CPNE8: variants seen among roughly 807,000 people sequenced by gnomAD.
CPNE8 encodes copine-8.
In CPNE8, 45 loss-of-function variants were observed where a neutral mutation model predicts 81.5. That is an observed-to-expected ratio of 0.55 (90% CI 0.44 to 0.71). The LOEUF (loss-of-function observed/expected upper bound fraction) is 0.71, where lower values mean the gene tolerates loss of function less well. Ranked by LOEUF, CPNE8 falls within the 30% of genes least tolerant of loss-of-function variation. The probability of loss-of-function intolerance (pLI) is 0.00; values close to 1 mark genes in which losing one functional copy is unlikely to be tolerated. For missense variants in CPNE8, 594 were observed against 672.1 expected, an observed-to-expected ratio of 0.88 and a Z score of 1.28; for synonymous variants, 252 against 226.3, an observed-to-expected ratio of 1.11 and a Z score of -1.02.
chr12:38,897,377 G>A (rs141173703), intron 1 of CPNE8, among the ~76,000 whole-genome samples: 57 of 152,154 alleles, frequency 3.7e-4, no homozygotes, highest in Admixed American at 2.1e-3. Context: ...AAAGTAACCA[G>A]AGATGTTAGA....
chr12:38,767,609 T>C, intron 8 of CPNE8, 26 bp downstream of exon 8: 1 of 1,342,662 alleles, frequency 7.4e-7, no homozygotes, highest in Non-Finnish European at 1.0e-6. Context: ...TACCATATAG[T>C]TGAAATGCAT....
chr12:38,717,833 G>GAA, intron 13 of CPNE8, among the ~76,000 whole-genome samples: 1 of 150,482 alleles, frequency 6.6e-6, no homozygotes, highest in Admixed American at 6.6e-5. Context: ...CTGGAAGTCA[G>GAA]AAAAAAAAAG....
intron 6 of CPNE8, among the ~76,000 whole-genome samples, chr12:38,807,190 A>C (rs996913243): frequency 6.6e-6 from 1 of 151,408 alleles, no homozygotes; most frequent in Non-Finnish European, 1.5e-5. Context: ...GGTCATTTAT[A>C]GATTCAATGC....
intron 14 of CPNE8, among the ~76,000 whole-genome samples, chr12:38,695,380 A>G (rs939935504): frequency 3.3e-5 from 5 of 152,054 alleles, no homozygotes; most frequent in Admixed American, 6.6e-5. Context: ...ACACAAACCA[A>G]CTTCCGGGCT....
At chr12:38,868,171 T>A (rs912053129) in intron 3 of CPNE8, among the ~76,000 whole-genome samples, 1 of 152,072 alleles carries the variant, frequency 6.6e-6, no homozygotes, top group African/African-American at 2.4e-5. Flanking sequence ...GATACCTCCA[T>A]CAATAAATTG....
intron 10 of CPNE8, among the ~76,000 whole-genome samples, chr12:38,739,581 T>C (rs539916544): frequency 1.4e-3 from 212 of 152,308 alleles, no homozygotes; most frequent in African/African-American, 4.9e-3. Flanking sequence ...GGCTGTTGGT[T>C]CTACCTTTGG....
At chr12:38,750,509 G>A (rs1053180314) in intron 10 of CPNE8, among the ~76,000 whole-genome samples, 1 of 152,166 alleles carries the variant, frequency 6.6e-6, no homozygotes, top group Non-Finnish European at 1.5e-5. Context: ...CCAAGACCTG[G>A]GAACCCACCT....
intron 10 of CPNE8, among the ~76,000 whole-genome samples, chr12:38,734,800 T>C (rs1375769659): frequency 6.6e-6 from 1 of 152,088 alleles, no homozygotes; most frequent in Admixed American, 6.6e-5. Flanking sequence ...CAGACACTTA[T>C]ACATTTTGTC....
At chr12:38,835,184 C>T (rs1432725043) in intron 5 of CPNE8, among the ~76,000 whole-genome samples, 1 of 152,160 alleles carries the variant, frequency 6.6e-6, no homozygotes, top group Non-Finnish European at 1.5e-5. Context: ...CGCACCTGGC[C>T]CCAGACTCTT....
At chr12:38,679,197 C>T (rs1232337664) in intron 16 of CPNE8, among the ~76,000 whole-genome samples, 2 of 151,762 alleles carry the variant, frequency 1.3e-5, no homozygotes, top group Non-Finnish European at 3.0e-5. Flanking sequence ...ATGGTACTCT[C>T]AAAATGTAAA....
In CPNE8 at chr12:38,800,996, A is replaced by G. The variant is rs941888556; in HGVS notation, c.408-24695T>C. 5.5e-4 allele frequency among the ~76,000 whole-genome samples: 82 copies of G among 150,448 alleles called. 1 individual carries two copies. The East Asian group carries it at 0.015, about 28-fold the overall frequency. ...GAAATGAGCAAAGCCTCCAAGAAAT[A>G]TGGGACTACGTGAAAAGACCACATC... On this transcript the variant is annotated intron_variant, in intron 6 of 19. Coordinates refer to ENST00000331366, the MANE Select transcript of CPNE8 (RefSeq NM_153634.3).
At chr12:38,726,380 T>C (rs967212778) in intron 11 of CPNE8, 2 of 152,160 alleles carry the variant, frequency 1.3e-5, no homozygotes, top group African/African-American at 4.8e-5. Flanking sequence ...TATTATTTAT[T>C]GTGTATTTCA....
In CPNE8 at chr12:38,697,307, TAG is replaced by T. The variant is rs532066397; in HGVS notation, c.962-3471_962-3470del. Among the ~76,000 whole-genome samples the T allele has an allele frequency of 8.6e-4, 131 of 152,324 alleles. 1 individual carries two copies. Among genetic ancestry groups the T allele is most frequent in the African/African-American group, 3.0e-3 (123 of 41,578 alleles). On this transcript the variant is annotated intron_variant, in intron 14 of 19. Transcript: ENST00000331366. ...TAACTAGCTGCTTTCACTTAGCTTA[TAG>T]ATCTCAACAACCATCTATCTTATAG...
intron 5 of CPNE8, among the ~76,000 whole-genome samples, chr12:38,838,534 T>C (rs1219587163): frequency 1.3e-5 from 2 of 152,178 alleles, no homozygotes; most frequent in Non-Finnish European, 2.9e-5. Context: ...TGCAGTTTCT[T>C]TTCTGATTCT....
chr12:38,797,008 T>C (rs1462386706), intron 6 of CPNE8, among the ~76,000 whole-genome samples: 3 of 152,256 alleles, frequency 2.0e-5, no homozygotes, highest in Admixed American at 2.0e-4. Flanking sequence ...GTGCCCGCCA[T>C]TGCCCAGGCT....
intron 3 of CPNE8, among the ~76,000 whole-genome samples, chr12:38,857,770 C>T (rs910388686): frequency 6.6e-6 from 1 of 152,078 alleles, no homozygotes; most frequent in Non-Finnish European, 1.5e-5. Flanking sequence ...GTGGCAGGCA[C>T]CTGTAATCTC....
At chr12:38,889,388 A>C (rs1160534456) in intron 1 of CPNE8, among the ~76,000 whole-genome samples, 4 of 152,210 alleles carry the variant, frequency 2.6e-5, no homozygotes, top group African/African-American at 9.6e-5. Flanking sequence ...ACGTGAGGCC[A>C]AACTGTTCCT....
chr12:38,762,082 GA>G, intron 9 of CPNE8, 29 bp downstream of exon 9: 1 of 1,127,554 alleles, frequency 8.9e-7, no homozygotes. Flanking sequence ...AAAGTTATTT[GA>G]AGATTTTTGA....
At chr12:38,762,466 C>A (rs1184223938) in intron 8 of CPNE8, among the ~76,000 whole-genome samples, 1 of 152,178 alleles carries the variant, frequency 6.6e-6, no homozygotes, top group Non-Finnish European at 1.5e-5. Context: ...TGTAAACAAT[C>A]TCTGTAAAAA....
Sources: gnomAD v4.1 joint callset for allele counts (sites outside exome capture counted in the v4.1 genomes callset) on GRCh38, gnomAD v4.1.1 for gene constraint, MANE v1.5 for transcripts, NCBI Gene and HGNC (gene_info 2026-07-23, HGNC 2026-07-21) for gene names.